The following ZFPM2 variants were observed in gnomAD, a reference collection of about 807,000 sequenced individuals.
The protein encoded by ZFPM2 is zinc finger protein ZFPM2.
In ZFPM2, 20 loss-of-function variants were observed where a neutral mutation model predicts 98.6. The ratio of observed to expected loss-of-function variants is 0.20; its 90% CI spans 0.14 to 0.29. ZFPM2 has a LOEUF of 0.29. Ranked by LOEUF, ZFPM2 falls within the 10% of genes least tolerant of loss-of-function variation. The pLI, the probability that ZFPM2 is intolerant of heterozygous loss-of-function variation, is 1.00. For synonymous variants in ZFPM2, 518 were observed against 502.7 expected (o/e 1.03, Z -0.41); for missense variants, 1,310 against 1,388.6 (o/e 0.94, Z 0.90).
rs531711785 is a variant in ZFPM2 at position 105,746,790 on chromosome 8, G to A, written c.533-41928G>A. On this transcript the variant is annotated intron_variant, in intron 5 of 7. Transcript: ENST00000407775. ...TGCCTCTGTTTCTCTTGTTAAGGCC[G>A]ATGCGGTTTTTAAATGGACTGAAGG... Among the ~76,000 whole-genome samples, 5 of 151,370 alleles carry A rather than the reference G, an allele frequency of 3.3e-5. 1 individual carries two copies. In the South Asian group the frequency reaches 1.0e-3, roughly 32 times the overall value.
At position 105,330,557 on chromosome 8, in the gene ZFPM2, T is replaced by TATATATATATAC. The variant is rs1554594968; in HGVS notation, c.40+11600_40+11611dup. Among the ~76,000 whole-genome samples the TATATATATATAC allele has an allele frequency of 8.2e-4, 99 of 120,766 alleles. 1 individual carries two copies. The highest frequency in any genetic ancestry group is 1.3e-3 in the Non-Finnish European group (79 of 59,572). The allele number at this position is 120,766 out of a possible 152,430, so 79.2% of individuals were successfully genotyped here. A position where few individuals can be genotyped will look rare whatever the true frequency, so the allele number is the denominator to read the frequency against. On this transcript the variant is annotated intron_variant, in intron 1 of 7. Coordinates refer to ENST00000407775, the MANE Select transcript of ZFPM2 (RefSeq NM_012082.4). ...CTCTCTCTATATATATATATACATATATATATATATACATATATATATACA... is the reference window on the plus strand; with the variant it reads ...CTCTCTCTATATATATATATACATATATATATATATACATATATATATACATATATATATACA...
intron 5 of ZFPM2, among the ~76,000 whole-genome samples, chr8:105,673,473 A>G (rs1817635823): frequency 1.3e-5 from 2 of 152,066 alleles, no homozygotes; most frequent in Admixed American, 1.3e-4. Flanking sequence ...ATACATGTCT[A>G]TGAGAACTGA....
At chr8:105,439,087 G>A (rs139667618) in intron 2 of ZFPM2, among the ~76,000 whole-genome samples, 2,037 of 152,128 alleles carry the variant, frequency 0.013, 24 homozygotes, top group Non-Finnish European at 0.02. Context: ...ATGATTGATT[G>A]AATTTTGCAT....
At chr8:105,333,290 C>T (rs957419298) in intron 1 of ZFPM2, among the ~76,000 whole-genome samples, 3 of 151,706 alleles carry the variant, frequency 2.0e-5, no homozygotes, top group Non-Finnish European at 4.4e-5. Flanking sequence ...TCACTCAGTG[C>T]TTTCAGTAGT....
intron 4 of ZFPM2, among the ~76,000 whole-genome samples, chr8:105,568,021 T>C (rs1815276013): frequency 6.6e-6 from 1 of 152,146 alleles, no homozygotes; most frequent in African/African-American, 2.4e-5. Context: ...CTCTGGGTCT[T>C]AGCTCTTTTT....
At chr8:105,418,125 G>T (rs906385516) in intron 1 of ZFPM2, among the ~76,000 whole-genome samples, 1 of 152,030 alleles carries the variant, frequency 6.6e-6, no homozygotes, top group African/African-American at 2.4e-5. Flanking sequence ...CTTAGGCCCT[G>T]GAAATTTCCT....
intron 4 of ZFPM2, among the ~76,000 whole-genome samples, chr8:105,621,925 T>G (rs1328099269): frequency 6.6e-6 from 1 of 152,146 alleles, no homozygotes; most frequent in African/African-American, 2.4e-5. Flanking sequence ...GGTATACATG[T>G]GCCATGTCGG....
At chr8:105,538,353 A>G (rs1327819829) in intron 3 of ZFPM2, among the ~76,000 whole-genome samples, 4 of 152,098 alleles carry the variant, frequency 2.6e-5, no homozygotes, top group Non-Finnish European at 5.9e-5. Context: ...CTTCTTCTTG[A>G]CGTCTTCAAT....
chr8:105,803,695 A>G lies in ZFPM2; in HGVS notation c.*157A>G, dbSNP rs1298091545. 1.4e-6 allele frequency: 1 copy of G among 696,566 alleles called. No homozygotes were observed. Among genetic ancestry groups the G allele is most frequent in the African/African-American group, 1.8e-5 (1 of 55,698 alleles). 43.1% of individuals were successfully genotyped at this position (696,566 alleles called of 1,614,324 possible). On this transcript the variant is annotated 3_prime_UTR_variant, in exon 8 of 8. Coordinates refer to ENST00000407775, the MANE Select transcript of ZFPM2 (RefSeq NM_012082.4). ...TTAAGGTGTAATTTCATTACAGTCC[A>G]TTAGTAAAGTGTATTATTGGTGCCA...
At chr8:105,426,060 T>C (rs976036172) in intron 2 of ZFPM2, among the ~76,000 whole-genome samples, 30 of 152,194 alleles carry the variant, frequency 2.0e-4, no homozygotes, top group Non-Finnish European at 4.0e-4. Flanking sequence ...TTTAATGACA[T>C]GTTTTTGCCT....
chr8:105,563,716 A>G (rs1188441029), intron 4 of ZFPM2, among the ~76,000 whole-genome samples: 2 of 152,150 alleles, frequency 1.3e-5, no homozygotes, highest in Non-Finnish European at 2.9e-5. Flanking sequence ...TGCTATTCTG[A>G]ACTTATTTTA....
intron 1 of ZFPM2, among the ~76,000 whole-genome samples, chr8:105,357,605 TC>T (rs1812772865): frequency 6.6e-6 from 1 of 152,202 alleles, no homozygotes; most frequent in African/African-American, 2.4e-5. Flanking sequence ...ACTTTTTTTT[TC>T]AAAGTCAGTT....
chr8:105,380,143 C>T (rs1469586823), intron 1 of ZFPM2, among the ~76,000 whole-genome samples: 1 of 152,112 alleles, frequency 6.6e-6, no homozygotes, highest in Admixed American at 6.6e-5. Context: ...CAAAGACTTT[C>T]TGTAGTCGAA....
At chr8:105,345,353 G>C (rs1283179183) in intron 1 of ZFPM2, among the ~76,000 whole-genome samples, 1 of 145,422 alleles carries the variant, frequency 6.9e-6, no homozygotes. Context: ...TTTTGTTCTT[G>C]TTTCCATCTT....
At chr8:105,498,196 C>T (rs1586417147) in intron 3 of ZFPM2, among the ~76,000 whole-genome samples, 1 of 151,786 alleles carries the variant, frequency 6.6e-6, no homozygotes. Context: ...ACCCCATCTC[C>T]AAAACAAGAA....
intron 5 of ZFPM2, among the ~76,000 whole-genome samples, chr8:105,783,914 T>C (rs760523192): frequency 1.3e-5 from 2 of 152,170 alleles, no homozygotes; most frequent in Non-Finnish European, 2.9e-5. Flanking sequence ...AAAAGTAGAA[T>C]TGCTAAAATC....
intron 4 of ZFPM2, among the ~76,000 whole-genome samples, chr8:105,580,799 TTCTCTCTCTC>T (rs770366065): frequency 3.5e-5 from 5 of 142,962 alleles, no homozygotes; most frequent in East Asian, 2.1e-4. Flanking sequence ...ATAATCATCA[TTCTCTCTCTC>T]TCTCTCTCTC....
intron 5 of ZFPM2, among the ~76,000 whole-genome samples, chr8:105,774,100 T>G (rs1181635315): frequency 6.6e-6 from 1 of 152,178 alleles, no homozygotes; most frequent in Non-Finnish European, 1.5e-5. Context: ...CGTGTGATTT[T>G]GCCTGCATTT....
chr8:105,779,514 C>T (rs1411772566), intron 5 of ZFPM2, among the ~76,000 whole-genome samples: 3 of 152,144 alleles, frequency 2.0e-5, no homozygotes, highest in Non-Finnish European at 4.4e-5. Context: ...CCATGAATTG[C>T]AGATAGCATG....
Sources: allele counts gnomAD v4.1 joint callset (sites outside exome capture counted in the v4.1 genomes callset), GRCh38; gene constraint gnomAD v4.1.1; transcripts MANE v1.5; gene names NCBI Gene and HGNC (gene_info 2026-07-23, HGNC 2026-07-21).